Variants in CSMD3 observed in about 807,000 individuals in gnomAD.
CSMD3 encodes the protein CUB and sushi domain-containing protein 3.
A neutral mutation model predicts 435.2 loss-of-function variants in CSMD3; 177 were observed. That is an observed-to-expected ratio of 0.41 (90% CI 0.36 to 0.46). The LOEUF is 0.46. Among genes scored for constraint, CSMD3 ranks in the 20% least tolerant of loss-of-function variants. The pLI, the probability that CSMD3 is intolerant of heterozygous loss-of-function variation, is 0.34. For missense variants in CSMD3, 4,265 were observed against 4,504.6 expected (o/e 0.95, Z 1.52); for synonymous variants, 1,656 against 1,520.5 (o/e 1.09, Z -2.07).
rs2129994655 is a variant in CSMD3 at position 112,237,355 on chromosome 8, A to C, written c.10469-7T>G. Reference sequence around the variant, plus strand: ...GCAAATACATCATCAGGAACTGTGAATAGATTAAATATACCACACATTAAT... The same window carrying C: ...GCAAATACATCATCAGGAACTGTGACTAGATTAAATATACCACACATTAAT... On this transcript the variant is annotated splice_region_variant and splice_polypyrimidine_tract_variant and intron_variant, in intron 66 of 70. Coordinates refer to ENST00000297405, the MANE Select transcript of CSMD3 (RefSeq NM_198123.2). The C allele has an allele frequency of 6.3e-7, 1 of 1,579,784 alleles. No homozygotes were observed. The highest frequency in any genetic ancestry group is 2.2e-5 in the East Asian group (1 of 44,602).
chr8:113,403,874 C>T (rs1029236793), intron 1 of CSMD3, among the ~76,000 whole-genome samples: 4 of 151,332 alleles, frequency 2.6e-5, no homozygotes, highest in African/African-American at 9.7e-5. Flanking sequence ...GTTGATGTTT[C>T]ATGTATGGCC....
At chr8:113,151,109 G>A (rs573947155) in intron 4 of CSMD3, among the ~76,000 whole-genome samples, 2 of 152,024 alleles carry the variant, frequency 1.3e-5, no homozygotes, top group Admixed American at 1.3e-4. Context: ...TAAGTCAGTT[G>A]AAAAGTGAAG....
At chr8:113,122,677 C>G (rs138957825) in intron 4 of CSMD3, among the ~76,000 whole-genome samples, 250 of 152,074 alleles carry the variant, frequency 1.6e-3, no homozygotes, top group African/African-American at 5.9e-3. Flanking sequence ...GAGGCAGCCT[C>G]CAGATGCTGG....
intron 5 of CSMD3, among the ~76,000 whole-genome samples, chr8:113,038,942 T>G (rs539808966): frequency 1.1e-4 from 17 of 152,184 alleles, no homozygotes; most frequent in Non-Finnish European, 8.8e-5. Flanking sequence ...ACTATTAACA[T>G]GACAAATGGG....
chr8:113,301,765 T>C (rs2093770210), intron 2 of CSMD3, among the ~76,000 whole-genome samples: 1 of 152,098 alleles, frequency 6.6e-6, no homozygotes, highest in Admixed American at 6.6e-5. Flanking sequence ...TTTTTCTGTA[T>C]GGGTTCAGTA....
intron 2 of CSMD3, chr8:113,311,853 T>G (rs759069991): frequency 5.9e-5 from 9 of 152,142 alleles, no homozygotes; most frequent in Admixed American, 2.0e-4. Flanking sequence ...CTCTAAAGAC[T>G]ATATTATAAC....
intron 5 of CSMD3, chr8:113,098,502 A>T (rs2090231885): frequency 6.5e-6 from 3 of 464,448 alleles, no homozygotes; most frequent in South Asian, 2.4e-5. Context: ...TTGGACTGGC[A>T]TGCTAAAAAA....
intron 4 of CSMD3, among the ~76,000 whole-genome samples, chr8:113,117,256 G>T (rs2090857734): frequency 6.6e-6 from 1 of 152,190 alleles, no homozygotes; most frequent in Non-Finnish European, 1.5e-5. Context: ...AAGACTTGGT[G>T]CCCTGTGTCC....
chr8:112,913,868 G>A (rs1160311031), intron 10 of CSMD3, among the ~76,000 whole-genome samples: 1 of 151,722 alleles, frequency 6.6e-6, no homozygotes, highest in Non-Finnish European at 1.5e-5. Context: ...TAGGCAGAGT[G>A]GTTCCTTAAT....
intron 1 of CSMD3, among the ~76,000 whole-genome samples, chr8:113,417,906 A>G (rs1320460515): frequency 6.6e-6 from 1 of 152,076 alleles, no homozygotes; most frequent in Admixed American, 6.6e-5. Flanking sequence ...ACAGGAGGAT[A>G]AAAAAGAGAT....
At chr8:113,247,071 C>A (rs1002767133) in intron 3 of CSMD3, among the ~76,000 whole-genome samples, 1 of 152,152 alleles carries the variant, frequency 6.6e-6, no homozygotes, top group Non-Finnish European at 1.5e-5. Flanking sequence ...TTTCTTATGT[C>A]TGTAGGATTA....
intron 4 of CSMD3, among the ~76,000 whole-genome samples, chr8:113,170,471 T>C (rs2092247807): frequency 6.6e-6 from 1 of 152,202 alleles, no homozygotes; most frequent in Admixed American, 6.5e-5. Flanking sequence ...ATTCAAAATG[T>C]TCTTGCTCTA....
intron 22 of CSMD3, among the ~76,000 whole-genome samples, chr8:112,595,802 G>A (rs1221291302): frequency 1.8e-5 from 2 of 108,802 alleles, no homozygotes; most frequent in African/African-American, 4.3e-5. Context: ...ATACTTTACA[G>A]ACAAGCAAAT....
At chr8:113,279,422 C>A (rs1003748802) in intron 2 of CSMD3, among the ~76,000 whole-genome samples, 1 of 151,360 alleles carries the variant, frequency 6.6e-6, no homozygotes, top group East Asian at 1.9e-4. Flanking sequence ...CATTAACATC[C>A]AAATCATTTT....
chr8:112,245,512 A>G (rs991710717), intron 64 of CSMD3, among the ~76,000 whole-genome samples: 2 of 152,072 alleles, frequency 1.3e-5, no homozygotes, highest in African/African-American at 2.4e-5. Context: ...CGTGTGCTAA[A>G]CATTGTGTTA....
chr8:112,664,832 GAC>G (rs1393549770), intron 17 of CSMD3, among the ~76,000 whole-genome samples: 10 of 152,122 alleles, frequency 6.6e-5, no homozygotes, highest in African/African-American at 2.2e-4. Context: ...CTGTCTTGTG[GAC>G]ACCTTGATCT....
At chr8:112,635,250 T>C (rs1178484057) in intron 22 of CSMD3, among the ~76,000 whole-genome samples, 2 of 152,022 alleles carry the variant, frequency 1.3e-5, no homozygotes, top group Non-Finnish European at 2.9e-5. Flanking sequence ...CTAATTTCTT[T>C]TAATCCTCAT....
intron 2 of CSMD3, among the ~76,000 whole-genome samples, chr8:113,302,640 C>T (rs1279574705): frequency 6.6e-6 from 1 of 151,880 alleles, no homozygotes; most frequent in African/African-American, 2.4e-5. Flanking sequence ...TCGATTATGC[C>T]ATTTTACTGA....
At chr8:112,276,538 C>A (rs546755702) in intron 59 of CSMD3, among the ~76,000 whole-genome samples, 3 of 152,038 alleles carry the variant, frequency 2.0e-5, no homozygotes, top group African/African-American at 7.2e-5. Flanking sequence ...CCATCACAGG[C>A]CTGGAAGTCT....
Sources: gnomAD v4.1 joint callset for allele counts (sites outside exome capture counted in the v4.1 genomes callset) on GRCh38, gnomAD v4.1.1 for gene constraint, MANE v1.5 for transcripts, NCBI Gene and HGNC (gene_info 2026-07-23, HGNC 2026-07-21) for gene names.